Variants in ANGPTL2 observed in about 807,000 individuals in gnomAD.
The protein encoded by ANGPTL2 is angiopoietin like 2, also known as angiopoietin-related protein 2.
A neutral mutation model predicts 52.8 loss-of-function variants in ANGPTL2; 25 were observed. That is an observed-to-expected ratio of 0.47 (90% CI 0.35 to 0.66). The LOEUF is 0.66. Ranked by LOEUF, ANGPTL2 falls within the 30% of genes least tolerant of loss-of-function variation. ANGPTL2 has a pLI of 0.01. For synonymous variants in ANGPTL2, 276 were observed against 277.4 expected, an observed-to-expected ratio of 1.00 and a Z score of 0.05; for missense variants, 546 against 656.9, an observed-to-expected ratio of 0.83 and a Z score of 1.84.
intron 2 of ANGPTL2, among the ~76,000 whole-genome samples, chr9:127,105,066 C>T (rs1309927588): frequency 3.3e-5 from 5 of 152,194 alleles, no homozygotes; most frequent in African/African-American, 9.6e-5. Flanking sequence ...CCCCCAGCTG[C>T]TCTCTTCCTG....
At position 127,091,767 on chromosome 9, in the gene ANGPTL2, C is replaced by T; in HGVS notation, c.1185G>A (p.Leu395=). The T allele has an allele frequency of 6.2e-7, 1 of 1,614,190 alleles. No homozygotes were observed. The highest frequency in any genetic ancestry group is 8.5e-7 in the Non-Finnish European group (1 of 1,180,032). Residue 395 remains leucine (L), a synonymous_variant, in exon 4 of 5, where the codon CTG becomes CTA. Transcript: ENST00000373425. The surrounding 1 kb of genome is among the most constrained non-coding windows in gnomAD (Gnocchi z 4.3). ...RLEPESEYYK[L]RLGRYHGNAG... ...CATTGCCATGGTAGCGCCCCAGCCG[C>T]AGCTTATAATACTCGCTCTCAGGTT...
intron 1 of ANGPTL2, among the ~76,000 whole-genome samples, chr9:127,109,400 G>A (rs533262735): frequency 6.6e-6 from 1 of 152,336 alleles, no homozygotes; most frequent in East Asian, 1.9e-4. Flanking sequence ...GACATGTTAT[G>A]GAATACATTC....
At chr9:127,110,413 TTTC>T (rs2054682957) in intron 1 of ANGPTL2, among the ~76,000 whole-genome samples, 1 of 152,204 alleles carries the variant, frequency 6.6e-6, no homozygotes, top group Admixed American at 6.5e-5. Flanking sequence ...ATTCCTGTCC[TTTC>T]TCTACTGTTG....
intron 2 of ANGPTL2, among the ~76,000 whole-genome samples, chr9:127,101,014 A>G (rs527996312): frequency 6.6e-6 from 1 of 152,174 alleles, no homozygotes; most frequent in Non-Finnish European, 1.5e-5. Context: ...ACTTGTCTTC[A>G]TGATTTCTTG....
intron 2 of ANGPTL2, among the ~76,000 whole-genome samples, chr9:127,099,403 T>C (rs914686845): frequency 1.2e-4 from 18 of 152,344 alleles, no homozygotes; most frequent in African/African-American, 4.3e-4. Flanking sequence ...TACCACTCCC[T>C]GAAACATTTT....
rs761857567 is a variant in ANGPTL2 at position 127,108,067 on chromosome 9, G to A, written c.665C>T (p.Pro222Leu). The stretch of plus-strand genomic sequence containing the variant: ...GTAGGTGGGTGGTTGGTAGACCCGG[G>A]GCGGGGCAGCGGGGGGTGGCTGGGG... ...PVPQPPPAAP[P>L]RVYQPPTYNR... The change falls in exon 2 of 5, where the codon CCC becomes CTC. Residue 222 changes from proline to leucine, a missense_variant. Physicochemically the swap from Pro to Leu is moderately conservative, Grantham distance 98. Around this residue, in one of 2 missense-constraint regions of ANGPTL2, gnomAD observed 285 missense variants for 295.8 expected, o/e 0.96. Transcript: ENST00000373425. 1.2e-6 allele frequency: 2 copies of A among 1,611,914 alleles called. No homozygotes were observed. The highest frequency in any genetic ancestry group is 1.1e-5 in the South Asian group (1 of 90,802).
At chr9:127,113,187 CCT>C (rs1426908143) in intron 1 of ANGPTL2, among the ~76,000 whole-genome samples, 3 of 152,120 alleles carry the variant, frequency 2.0e-5, no homozygotes, top group African/African-American at 4.8e-5. Context: ...GTTATTCACC[CCT>C]GTTTTATCAA....
At chr9:127,090,417 G>A (rs868214847) in intron 4 of ANGPTL2, among the ~76,000 whole-genome samples, 3 of 152,236 alleles carry the variant, frequency 2.0e-5, no homozygotes, top group Admixed American at 1.3e-4. Flanking sequence ...CAGAATGAGG[G>A]CCTGTTCCTC....
chr9:127,099,655 G>T (rs914592034), intron 2 of ANGPTL2, among the ~76,000 whole-genome samples: 3 of 152,194 alleles, frequency 2.0e-5, no homozygotes, highest in African/African-American at 7.2e-5. Flanking sequence ...TTATCCAGAG[G>T]CTTGGCAAAA....
At chr9:127,114,618 G>A (rs1034821986) in intron 1 of ANGPTL2, among the ~76,000 whole-genome samples, 2 of 152,214 alleles carry the variant, frequency 1.3e-5, no homozygotes, top group South Asian at 2.1e-4. Flanking sequence ...AGGACTTACA[G>A]AACCACCCCC....
In ANGPTL2 at chr9:127,108,490, T is replaced by A; in HGVS notation, c.242A>T (p.Glu81Val). 1.2e-6 allele frequency: 2 copies of A among 1,612,664 alleles called. No homozygotes were observed. Among genetic ancestry groups the A allele is most frequent in the Non-Finnish European group, 1.7e-6 (2 of 1,179,628 alleles). ...VNSKEPEVLL[E>V]NRVHKQELEL... ...TAGCTCCTGCTTATGCACTCGGTTCTCCAGAAGCACCTCAGGCTCCTTGGA... is the reference window on the plus strand; with the variant it reads ...TAGCTCCTGCTTATGCACTCGGTTCACCAGAAGCACCTCAGGCTCCTTGGA... The change falls in exon 2 of 5, where the codon GAG (glutamate) becomes GTG (valine). Residue 81 changes from glutamate (E) to valine (V), a missense_variant. Coordinates refer to ENST00000373425, the MANE Select transcript of ANGPTL2 (RefSeq NM_012098.3).
At chr9:127,096,432 C>G (rs1035438651) in intron 2 of ANGPTL2, among the ~76,000 whole-genome samples, 21 of 152,164 alleles carry the variant, frequency 1.4e-4, no homozygotes, top group Admixed American at 3.9e-4. Flanking sequence ...AGCGAGCAGC[C>G]CAGCCTCTTA....
Position 127,088,718 on chromosome 9 carries a change from A to T in ANGPTL2, c.*221T>A. On this transcript the variant is annotated 3_prime_UTR_variant, in exon 5 of 5. Coordinates refer to ENST00000373425, the MANE Select transcript of ANGPTL2 (RefSeq NM_012098.3). ...TCTGTAGTCCTGTCCTGTCCTGGAG[A>T]CATGAGGGGCTGTCTGGTGTGAAGG... 1 of 595,390 alleles carries T rather than the reference A, an allele frequency of 1.7e-6. No homozygotes were observed. 36.9% of individuals were successfully genotyped at this position (595,390 alleles called of 1,614,324 possible). A position where few individuals can be genotyped will look rare whatever the true frequency, so the allele number is the denominator to read the frequency against.
chr9:127,091,831 C>A lies in ANGPTL2; in HGVS notation c.1121G>T (p.Gly374Val). 2 of 1,614,186 alleles carry A rather than the reference C, an allele frequency of 1.2e-6. No individual in the cohort carries two copies. The highest frequency in any genetic ancestry group is 2.2e-5 in the South Asian group (2 of 91,082). ...GGCGTATTCTGCAAAGACTTTGCGG[C>A]CGGACCAGTCCTCCATGGTCACCAG... ...KLLVTMEDWS[G>V]RKVFAEYASF... is the part of the protein sequence containing the mutation. Residue 374 changes from glycine (G) to valine (V), a missense_variant, in exon 4 of 5, where the codon GGC (glycine) becomes GTC (valine). Gly to Val is a moderately radical substitution (Grantham distance 109). Coordinates refer to ENST00000373425, the MANE Select transcript of ANGPTL2 (RefSeq NM_012098.3). This position sits in a 1 kb window ranked among gnomAD's most constrained non-coding sequence, Gnocchi z 4.3.
intron 3 of ANGPTL2, among the ~76,000 whole-genome samples, chr9:127,092,613 T>G (rs1185358617): frequency 6.6e-6 from 1 of 152,160 alleles, no homozygotes; most frequent in Non-Finnish European, 1.5e-5. Flanking sequence ...CTAATCCTCA[T>G]GTCAACTCGA....
intron 3 of ANGPTL2, among the ~76,000 whole-genome samples, chr9:127,092,493 A>G (rs377675922): frequency 1.3e-5 from 2 of 152,070 alleles, no homozygotes; most frequent in African/African-American, 4.8e-5. Context: ...CAGCTGAGTT[A>G]CGGCCACTAA....
Position 127,108,199 on chromosome 9 carries a change from T to G in ANGPTL2, c.533A>C (p.Asp178Ala). The stretch of plus-strand genomic sequence containing the variant: ...CAGGTGCTGGTACTTGTGCTCCAGG[T>G]CCTTGTACTTGCTGGCCAGCTGCAG... ...DMLQLASKYK[D>A]LEHKYQHLAT... Residue 178 changes from aspartate (D) to alanine (A), a missense_variant, in exon 2 of 5, where the codon GAC (aspartate) becomes GCC (alanine). Around this residue, in one of 2 missense-constraint regions of ANGPTL2, gnomAD observed 285 missense variants for 295.8 expected, o/e 0.96. Transcript: ENST00000373425. 1 of 1,614,040 alleles carries G rather than the reference T, an allele frequency of 6.2e-7. No individual in the cohort carries two copies. The highest frequency in any genetic ancestry group is 8.5e-7 in the Non-Finnish European group (1 of 1,180,000).
At chr9:127,100,543 G>C (rs751811367) in intron 2 of ANGPTL2, among the ~76,000 whole-genome samples, 1 of 152,246 alleles carries the variant, frequency 6.6e-6, no homozygotes, top group Non-Finnish European at 1.5e-5. Context: ...ACTGTGTACA[G>C]AGGTGAGCAG....
rs1361467231 is a variant in ANGPTL2 at position 127,087,958 on chromosome 9, A to G, written c.*981T>C. On this transcript the variant is annotated 3_prime_UTR_variant, in exon 5 of 5. Coordinates refer to ENST00000373425, the MANE Select transcript of ANGPTL2 (RefSeq NM_012098.3). ...ATACAAAACTGCGAGTACATTATCT[A>G]TACGGCCGGTGGAGCTTTTGGCCTG... 1 of 152,654 alleles carries G rather than the reference A, an allele frequency of 6.6e-6. No homozygotes were observed. Among genetic ancestry groups the G allele is most frequent in the African/African-American group, 2.4e-5 (1 of 41,464 alleles). The allele number at this position is 152,654 out of a possible 1,614,324, so 9.5% of individuals were successfully genotyped here. A position where few individuals can be genotyped will look rare whatever the true frequency, so the allele number is the denominator to read the frequency against.
Sources: allele counts gnomAD v4.1 joint callset (sites outside exome capture counted in the v4.1 genomes callset), GRCh38; gene constraint gnomAD v4.1.1; regional missense constraint gnomAD v4.1.1; non-coding constraint Gnocchi (gnomAD v3.1); transcripts MANE v1.5; gene names NCBI Gene and HGNC (gene_info 2026-07-23, HGNC 2026-07-21).